C12orf56: variants seen among roughly 807,000 people sequenced by gnomAD.
C12orf56 encodes the protein chromosome 12 open reading frame 56, also known as uncharacterized protein C12orf56.
In C12orf56, 71 loss-of-function variants were observed where a neutral mutation model predicts 69.9. That is an observed-to-expected ratio of 1.02 (90% confidence interval 0.84 to 1.24). C12orf56 has a LOEUF of 1.24. Ranked by LOEUF, C12orf56 falls within the 50% of genes most tolerant of loss-of-function variation. C12orf56 has a pLI of 0.00. For missense variants in C12orf56, 732 were observed against 738.5 expected, an observed-to-expected ratio of 0.99 and a Z score of 0.10; for synonymous variants, 276 against 274.1, an observed-to-expected ratio of 1.01 and a Z score of -0.07.
chr12:64,328,695 AAAAAAAAAAAAATATAT>A (rs1272775604), intron 3 of C12orf56, among the ~76,000 whole-genome samples: 11 of 18,124 alleles, frequency 6.1e-4, no homozygotes, highest in African/African-American at 1.9e-3. Context: ...AAAAAAAAAA[AAAAAAAAAAAAATATAT>A]ATATATATAT....
chr12:64,277,561 T>C, intron 9 of C12orf56, 119 bp downstream of exon 9: 1 of 636,516 alleles, frequency 1.6e-6, no homozygotes. Flanking sequence ...TGACAAAAGA[T>C]CTACTCTTTG....
intron 1 of C12orf56, among the ~76,000 whole-genome samples, chr12:64,358,231 G>T (rs1224381823): frequency 6.6e-6 from 1 of 152,004 alleles, no homozygotes; most frequent in Admixed American, 6.6e-5. Context: ...AGGCCGAGGT[G>T]GGCGGATCAC....
At chr12:64,304,326 G>T (rs1379200829) in intron 5 of C12orf56, among the ~76,000 whole-genome samples, 1 of 152,148 alleles carries the variant, frequency 6.6e-6, no homozygotes, top group African/African-American at 2.4e-5. Context: ...TCTCCCTGAT[G>T]AGATCAGCCT....
intron 1 of C12orf56, among the ~76,000 whole-genome samples, chr12:64,358,487 T>TCATCATCATCATCAC (rs1491061721): frequency 1.2e-5 from 1 of 84,276 alleles, no homozygotes; most frequent in Non-Finnish European, 2.6e-5. Context: ...ATAATAATCA[T>TCATCATCATCATCAC]CATCATCATC....
At chr12:64,381,496 G>A (rs1026987016) in intron 1 of C12orf56, among the ~76,000 whole-genome samples, 3 of 152,172 alleles carry the variant, frequency 2.0e-5, no homozygotes, top group African/African-American at 4.8e-5. Flanking sequence ...TTGGGAAAGG[G>A]CTGTTATTAT....
At chr12:64,327,336 C>T (rs2038858103) in intron 3 of C12orf56, among the ~76,000 whole-genome samples, 1 of 152,106 alleles carries the variant, frequency 6.6e-6, no homozygotes, top group African/African-American at 2.4e-5. Context: ...AAATCTTGAC[C>T]ATTTGACAAG....
intron 2 of C12orf56, among the ~76,000 whole-genome samples, chr12:64,339,559 A>ATTTG (rs1007750205): frequency 1.3e-4 from 20 of 151,556 alleles, no homozygotes; most frequent in African/African-American, 4.4e-4. Context: ...TTAAGTTTGT[A>ATTTG]TTTGTTTGTT....
chr12:64,352,767 TG>T, intron 2 of C12orf56, 126 bp downstream of exon 2: 1 of 799,198 alleles, frequency 1.3e-6, no homozygotes, highest in Non-Finnish European at 1.7e-6. Context: ...TAAATTTTCC[TG>T]GCTGCGTGAT....
Position 64,266,482 on chromosome 12 carries a change from G to T in C12orf56, c.*701C>A, listed in dbSNP as rs139358674. 8 of 265,744 alleles carry T rather than the reference G, an allele frequency of 3.0e-5. No individual in the cohort carries two copies. The East Asian group carries it at 6.8e-4, about 23-fold the overall frequency. The allele number at this position is 265,744 out of a possible 1,614,324, so 16.5% of individuals were successfully genotyped here. On this transcript the variant is annotated 3_prime_UTR_variant, in exon 13 of 13. Coordinates refer to ENST00000543942, the MANE Select transcript of C12orf56 (RefSeq NM_001170633.2). Reference sequence around the variant, plus strand: ...GGTGTTCTACCTGGAGGCGTGGCTGGCGGATGAGATCTTGAGTGAGTGACC... The same window carrying T: ...GGTGTTCTACCTGGAGGCGTGGCTGTCGGATGAGATCTTGAGTGAGTGACC...
At position 64,277,805 on chromosome 12, in the gene C12orf56, T is replaced by C; in HGVS notation, c.1311-2A>G. On this transcript the variant is annotated splice_acceptor_variant, in intron 8 of 12. Coordinates refer to ENST00000543942, the MANE Select transcript of C12orf56 (RefSeq NM_001170633.2). LOFTEE classifies it high-confidence loss of function. Reference sequence around the variant, plus strand: ...ACCAAGAGATTAAATAGTGCTCCCCTGGAAAAAAATAAATAAAAGGCAATT... The same window carrying C: ...ACCAAGAGATTAAATAGTGCTCCCCCGGAAAAAAATAAATAAAAGGCAATT... The C allele has an allele frequency of 1.3e-6, 2 of 1,536,558 alleles. No homozygotes were observed. Among genetic ancestry groups the C allele is most frequent in the Non-Finnish European group, 1.8e-6 (2 of 1,140,142 alleles).
At chr12:64,269,961 GACAATGAGTGACAA>G (rs1273828587) in intron 12 of C12orf56, among the ~76,000 whole-genome samples, 2 of 152,072 alleles carry the variant, frequency 1.3e-5, no homozygotes, top group Non-Finnish European at 2.9e-5. Flanking sequence ...CTACAATAAA[GACAATGAGTGACAA>G]ACCGTTCTTC....
At chr12:64,274,581 T>C (rs1294755067) in intron 11 of C12orf56, among the ~76,000 whole-genome samples, 1 of 152,220 alleles carries the variant, frequency 6.6e-6, no homozygotes, top group Non-Finnish European at 1.5e-5. Flanking sequence ...GTTAGATTCA[T>C]GCTCACTATT....
chr12:64,281,299 G>A (rs780068728), intron 8 of C12orf56, among the ~76,000 whole-genome samples: 36 of 151,922 alleles, frequency 2.4e-4, no homozygotes, highest in Non-Finnish European at 4.1e-4. Context: ...GCCCGGGTGC[G>A]GTGGCTCATG....
chr12:64,293,056 T>G (rs1446222054), intron 6 of C12orf56, among the ~76,000 whole-genome samples: 8 of 151,992 alleles, frequency 5.3e-5, no homozygotes, highest in South Asian at 4.2e-4. Context: ...ATCTCATGGT[T>G]CGCCGCTTTT....
intron 6 of C12orf56, among the ~76,000 whole-genome samples, chr12:64,286,812 C>T (rs768987868): frequency 2.0e-5 from 3 of 152,074 alleles, no homozygotes; most frequent in Admixed American, 6.6e-5. Flanking sequence ...AAAGTGTATG[C>T]GTCCCCTTAT....
At chr12:64,327,526 T>A (rs1364430207) in intron 3 of C12orf56, among the ~76,000 whole-genome samples, 1 of 152,160 alleles carries the variant, frequency 6.6e-6, no homozygotes, top group East Asian at 1.9e-4. Flanking sequence ...CCACAATAAA[T>A]GGGGAGCATT....
At chr12:64,337,780 C>A (rs1006245093) in intron 2 of C12orf56, among the ~76,000 whole-genome samples, 4 of 147,808 alleles carry the variant, frequency 2.7e-5, no homozygotes, top group Non-Finnish European at 5.9e-5. Flanking sequence ...TCACTTGAAC[C>A]TGAGGGGTGG....
chr12:64,276,004 C>CCCA (rs1555185421), intron 9 of C12orf56, among the ~76,000 whole-genome samples: 7,563 of 151,026 alleles, frequency 0.05, 661 homozygotes, highest in African/African-American at 0.17. Context: ...AATACACACC[C>CCCA]CCCCCCGCGA....
intron 1 of C12orf56, among the ~76,000 whole-genome samples, chr12:64,357,211 C>G (rs2039330605): frequency 1.3e-5 from 2 of 151,754 alleles, no homozygotes; most frequent in Non-Finnish European, 2.9e-5. Flanking sequence ...TTGTCAAGTC[C>G]AAAGAGATGT....
Sources: gnomAD v4.1 joint callset for allele counts (sites outside exome capture counted in the v4.1 genomes callset) on GRCh38, gnomAD v4.1.1 for gene constraint, MANE v1.5 for transcripts, NCBI Gene and HGNC (gene_info 2026-07-23, HGNC 2026-07-21) for gene names.